Variants in MAK16 observed in about 807,000 individuals in gnomAD.
The protein encoded by MAK16 is protein MAK16 homolog.
A neutral mutation model predicts 49.9 loss-of-function variants in MAK16; 12 were observed. The ratio of observed to expected loss-of-function variants is 0.24; its 90% confidence interval spans 0.15 to 0.39. The LOEUF (loss-of-function observed/expected upper bound fraction) is 0.39. MAK16 is among the 10% of genes least tolerant of loss of function. The pLI, the probability that MAK16 is intolerant of heterozygous loss-of-function variation, is 1.00. For missense variants in MAK16, 292 were observed against 363.7 expected (o/e 0.80, Z 1.60); for synonymous variants, 115 against 126.4 (o/e 0.91, Z 0.60).
At position 33,498,856 on chromosome 8, in the gene MAK16, C is replaced by G; in HGVS notation, c.*227C>G. On this transcript the variant is annotated 3_prime_UTR_variant, in exon 10 of 10. Transcript: ENST00000360128. The stretch of plus-strand genomic sequence containing the variant: ...TTTTATAGCATATGTGTTGAAGTAA[C>G]AGCTTGTGCCCGAGAAACTTAACAG... 1.7e-6 allele frequency: 1 copy of G among 588,770 alleles called. No individual in the cohort carries two copies. 36.5% of individuals were successfully genotyped at this position (588,770 alleles called of 1,614,324 possible).
At chr8:33,494,885 TCTC>T (rs1433186344) in intron 6 of MAK16, among the ~76,000 whole-genome samples, 1 of 152,026 alleles carries the variant, frequency 6.6e-6, no homozygotes, top group Non-Finnish European at 1.5e-5. Context: ...TTCACACCAT[TCTC>T]CTGCCTCAGC....
rs897029114 is a variant in MAK16, at chr8:33,488,445, A to G, written c.65+18A>G. The G allele has an allele frequency of 5.0e-6, 8 of 1,614,150 alleles. No homozygotes were observed. The highest frequency in any genetic ancestry group is 2.7e-5 in the African/African-American group (2 of 75,050). ...AAAATAAGGTGAGTCTCAATTTACA[A>G]CTTGGTCAAAGATTCCTTCAGTTGC... On this transcript the variant is annotated intron_variant, in intron 2 of 9. Coordinates refer to ENST00000360128, the MANE Select transcript of MAK16 (RefSeq NM_032509.4).
Position 33,488,804 on chromosome 8 carries a change from C to A in MAK16, c.240+6C>A. ...CTCGGCGTCTCTGGGAACGGGTAAG[C>A]CTTACAACAAAACTACAGTGACCGC... is the stretch of plus-strand genomic sequence containing the variant. On this transcript the variant is annotated splice_donor_region_variant and intron_variant, in intron 4 of 9. Transcript: ENST00000360128. 1 of 1,614,056 alleles carries A rather than the reference C, an allele frequency of 6.2e-7. No individual in the cohort carries two copies. Among genetic ancestry groups the A allele is most frequent in the South Asian group, 1.1e-5 (1 of 91,080 alleles).
rs1354831133 is a variant in MAK16, at chr8:33,498,836, T to C, written c.*207T>C. ...TAAGTTGTGAACAAGAGTGTTTTTA[T>C]AGCATATGTGTTGAAGTAACAGCTT... On this transcript the variant is annotated 3_prime_UTR_variant, in exon 10 of 10. Transcript: ENST00000360128. 7 of 606,356 alleles carry C rather than the reference T, an allele frequency of 1.2e-5. No individual in the cohort carries two copies. In the East Asian group the frequency reaches 1.7e-4, roughly 14 times the overall value. 37.6% of individuals were successfully genotyped at this position (606,356 alleles called of 1,614,324 possible). A position where few individuals can be genotyped will look rare whatever the true frequency, so the allele number is the denominator to read the frequency against.
rs192217583 is a variant in MAK16, at chr8:33,498,424, C to T, written c.706-8C>T. The T allele has an allele frequency of 2.1e-4, 337 of 1,612,690 alleles. No individual in the cohort carries two copies. Among genetic ancestry groups the T allele is most frequent in the South Asian group, 1.7e-3 (154 of 90,940 alleles). On this transcript the variant is annotated splice_polypyrimidine_tract_variant and splice_region_variant and intron_variant, in intron 9 of 9. Coordinates refer to ENST00000360128, the MANE Select transcript of MAK16 (RefSeq NM_032509.4). ...CCTCTTCCTTTATCTTTTCTCTCCC[C>T]GTAATAGGATATGGATAAACTGGAT... is the stretch of plus-strand genomic sequence containing the variant.
At chr8:33,488,705 A>G (rs747524406) in intron 3 of MAK16, 29 bp from the exon 4 acceptor site, 2 of 1,613,218 alleles carry the variant, frequency 1.2e-6, no homozygotes, top group Non-Finnish European at 8.5e-7. Context: ...TCTGTAAATA[A>G]CACTAAAGCT....
rs756622190 is a variant in MAK16, at chr8:33,498,671, C to T, written c.*42C>T. ...TATACCCAGGACTGAACATGCAGAACTGTTTTTTTTTTTTTTTTATCTTAA... is the reference window on the plus strand; with the variant it reads ...TATACCCAGGACTGAACATGCAGAATTGTTTTTTTTTTTTTTTTATCTTAA... On this transcript the variant is annotated 3_prime_UTR_variant, in exon 10 of 10. Transcript: ENST00000360128. 8.7e-6 allele frequency: 10 copies of T among 1,155,626 alleles called. No individual in the cohort carries two copies. Among genetic ancestry groups the T allele is most frequent in the African/African-American group, 2.1e-5 (1 of 47,758 alleles). The allele number at this position is 1,155,626 out of a possible 1,614,324, so 71.6% of individuals were successfully genotyped here.
intron 6 of MAK16, among the ~76,000 whole-genome samples, chr8:33,490,893 A>G (rs993086218): frequency 1.3e-5 from 2 of 151,616 alleles, no homozygotes; most frequent in African/African-American, 4.8e-5. Context: ...CATTCTTCCT[A>G]TTTTTTTTAG....
rs1808968316 is a variant in MAK16 at position 33,499,211 on chromosome 8, G to T, written c.*582G>T. The stretch of plus-strand genomic sequence containing the variant: ...TAGGGTGCGCCTTCAGAAACCTGCT[G>T]CACTTTTCTGATATAGTTCACCACT... On this transcript the variant is annotated 3_prime_UTR_variant, in exon 10 of 10. Transcript: ENST00000360128. 1.9e-6 allele frequency: 3 copies of T among 1,614,006 alleles called. No individual in the cohort carries two copies. In the Admixed American group the frequency reaches 5.0e-5, roughly 27 times the overall value.
At chr8:33,493,476 T>C (rs1376652816) in intron 6 of MAK16, among the ~76,000 whole-genome samples, 1 of 152,212 alleles carries the variant, frequency 6.6e-6, no homozygotes, top group Non-Finnish European at 1.5e-5. Context: ...AATAATACAA[T>C]GTGTATTATA....
In MAK16 at chr8:33,485,186, G is replaced by T; in HGVS notation, c.-21G>T. ...TGCGCCCGCGATCCGACCGGAAGTTGCACGCTGAGCCGCGGACACCATGCA... is the reference window on the plus strand; with the variant it reads ...TGCGCCCGCGATCCGACCGGAAGTTTCACGCTGAGCCGCGGACACCATGCA... On this transcript the variant is annotated 5_prime_UTR_variant, in exon 1 of 10. Transcript: ENST00000360128. 1.9e-6 allele frequency: 3 copies of T among 1,614,160 alleles called. No individual in the cohort carries two copies. Among genetic ancestry groups the T allele is most frequent in the Non-Finnish European group, 2.5e-6 (3 of 1,180,038 alleles).
Position 33,490,286 on chromosome 8 carries a change from A to C in MAK16, c.394A>C (p.Arg132=). ...TCTGATATATTTTCTTTCCCTTAGG[A>C]GGAAACTTGTTCCTTTGAGTAAGAA... ...RIRKLTLKRQ[R]KLVPLSKKVE... is the part of the protein sequence containing the mutation. The change falls in exon 6 of 10, where the codon AGG becomes CGG. Residue 132 remains arginine (R), a splice_region_variant and synonymous_variant. Coordinates refer to ENST00000360128, the MANE Select transcript of MAK16 (RefSeq NM_032509.4). The C allele has an allele frequency of 6.2e-7, 1 of 1,612,170 alleles. No homozygotes were observed. Among genetic ancestry groups the C allele is most frequent in the Non-Finnish European group, 8.5e-7 (1 of 1,178,396 alleles).
In MAK16 at chr8:33,500,918, G is replaced by A. The variant is rs767901742; in HGVS notation, c.*2289G>A. 6.3e-6 allele frequency: 1 copy of A among 158,592 alleles called. No homozygotes were observed. The highest frequency in any genetic ancestry group is 1.4e-5 in the Non-Finnish European group (1 of 72,004). 9.8% of individuals were successfully genotyped at this position (158,592 alleles called of 1,614,324 possible). A position where few individuals can be genotyped will look rare whatever the true frequency, so the allele number is the denominator to read the frequency against. Reference sequence around the variant, plus strand: ...GCCTGGAAGTTAGAGTGAGGGAAATGAGCTTGGCTTCTGGGACTGTGTCAA... The same window carrying A: ...GCCTGGAAGTTAGAGTGAGGGAAATAAGCTTGGCTTCTGGGACTGTGTCAA... On this transcript the variant is annotated 3_prime_UTR_variant, in exon 10 of 10. Coordinates refer to ENST00000360128, the MANE Select transcript of MAK16 (RefSeq NM_032509.4).
rs1808921618 is a variant in MAK16 at position 33,498,443 on chromosome 8, A to G, written c.717A>G (p.Lys239=). Residue 239 remains lysine, a synonymous_variant, in exon 10 of 10, where the codon AAA becomes AAG. Transcript: ENST00000360128. ...SDISDFEDMD[K]LDASSDEDQD... ...TCTCCCCGTAATAGGATATGGATAA[A>G]CTGGATGCCAGCAGTGATGAAGATC... is the stretch of plus-strand genomic sequence containing the variant. The G allele has an allele frequency of 6.2e-7, 1 of 1,613,918 alleles. No homozygotes were observed. The highest frequency in any genetic ancestry group is 1.7e-5 in the Admixed American group (1 of 59,980).
Position 33,498,662 on chromosome 8 carries a change from C to T in MAK16, c.*33C>T. On this transcript the variant is annotated 3_prime_UTR_variant, in exon 10 of 10. Transcript: ENST00000360128. ...TTCAGCATTTATACCCAGGACTGAA[C>T]ATGCAGAACTGTTTTTTTTTTTTTT... 7.5e-7 allele frequency: 1 copy of T among 1,332,434 alleles called. No individual in the cohort carries two copies. 82.5% of individuals were successfully genotyped at this position (1,332,434 alleles called of 1,614,324 possible).
Position 33,485,210 on chromosome 8 carries a change from C to G in MAK16, c.4C>G (p.Gln2Glu). 4 of 1,614,174 alleles carry G rather than the reference C, an allele frequency of 2.5e-6. No individual in the cohort carries two copies. Among genetic ancestry groups the G allele is most frequent in the Non-Finnish European group, 3.4e-6 (4 of 1,180,034 alleles). ...TGCACGCTGAGCCGCGGACACCATG[C>G]AGTCGGATGATGTGAGTCTCCTCCG... M[Q>E]SDDVIWDTLG... The change falls in exon 1 of 10, where the codon CAG becomes GAG. Residue 2 changes from glutamine to glutamate, a missense_variant. Gln to Glu is a conservative substitution (Grantham distance 29). Coordinates refer to ENST00000360128, the MANE Select transcript of MAK16 (RefSeq NM_032509.4).
chr8:33,485,211 A>G lies in MAK16; in HGVS notation c.5A>G (p.Gln2Arg), dbSNP rs1050932228. ...GCACGCTGAGCCGCGGACACCATGC[A>G]GTCGGATGATGTGAGTCTCCTCCGG... is the stretch of plus-strand genomic sequence containing the variant. M[Q>R]SDDVIWDTLG... The change falls in exon 1 of 10, where the codon CAG becomes CGG. Residue 2 changes from glutamine (Q) to arginine (R), a missense_variant. Gln to Arg is a conservative substitution (Grantham distance 43, BLOSUM62 1). Transcript: ENST00000360128. The G allele has an allele frequency of 4.3e-6, 7 of 1,614,178 alleles. No homozygotes were observed. Among genetic ancestry groups the G allele is most frequent in the Admixed American group, 1.7e-5 (1 of 60,028 alleles).
intron 1 of MAK16, among the ~76,000 whole-genome samples, chr8:33,488,078 G>A (rs559097153): frequency 3.3e-5 from 5 of 152,164 alleles, no homozygotes; most frequent in Admixed American, 1.3e-4. Flanking sequence ...ACAGGCATGC[G>A]CCACCATGCC....
chr8:33,497,445 A>G (rs1808887974), intron 9 of MAK16, 148 bp downstream of exon 9: 1 of 613,338 alleles, frequency 1.6e-6, no homozygotes. Context: ...TGAGCTCAGG[A>G]GTTCGAGACC....
Sources: allele counts gnomAD v4.1 joint callset (sites outside exome capture counted in the v4.1 genomes callset), GRCh38; gene constraint gnomAD v4.1.1; transcripts MANE v1.5; gene names NCBI Gene and HGNC (gene_info 2026-07-23, HGNC 2026-07-21).